Variants in XIRP2 observed in about 807,000 individuals in gnomAD.
The protein encoded by XIRP2 is xin actin binding repeat containing 2.
Under a neutral mutation model 277.0 loss-of-function variants are expected in XIRP2, and 236 were observed. That is an observed-to-expected ratio of 0.85 (90% confidence interval 0.77 to 0.95). The LOEUF is 0.95. XIRP2 is among the 40% of genes least tolerant of loss of function. The pLI is 0.00. For missense variants in XIRP2, 4,640 were observed against 4,157.5 expected, an observed-to-expected ratio of 1.12 and a Z score of -3.19; for synonymous variants, 1,490 against 1,416.5, an observed-to-expected ratio of 1.05 and a Z score of -1.17.
chr2:167,218,162 C>G lies in XIRP2; in HGVS notation c.724-4C>G, dbSNP rs1451078881. 6.3e-7 allele frequency: 1 copy of G among 1,577,696 alleles called. No homozygotes were observed. The highest frequency in any genetic ancestry group is 8.6e-7 in the Non-Finnish European group (1 of 1,163,214). ...GAATTTTCCTTTTTCTTAAATCATC[C>G]TAGATGATGGAAGAATCAGAAATGT... On this transcript the variant is annotated splice_polypyrimidine_tract_variant and splice_region_variant and intron_variant, in intron 4 of 10. Transcript: ENST00000409195.
At chr2:167,199,411 G>C (rs1003740089) in intron 3 of XIRP2, among the ~76,000 whole-genome samples, 3 of 152,064 alleles carry the variant, frequency 2.0e-5, no homozygotes, top group African/African-American at 7.2e-5. Flanking sequence ...TTGCTCTGTT[G>C]AATGCCAACA....
At chr2:167,089,675 T>G (rs1362480043) in intron 2 of XIRP2, among the ~76,000 whole-genome samples, 2 of 152,124 alleles carry the variant, frequency 1.3e-5, no homozygotes. Flanking sequence ...AGTAAACATA[T>G]GTGTGCGTGT....
chr2:166,950,227 T>C (rs1383295039), intron 2 of XIRP2, among the ~76,000 whole-genome samples: 2 of 152,032 alleles, frequency 1.3e-5, no homozygotes, highest in Admixed American at 1.3e-4. Flanking sequence ...GCATGTAGTA[T>C]TTGTTTATGC....
At chr2:167,215,142 A>C (rs1694204961) in intron 4 of XIRP2, among the ~76,000 whole-genome samples, 1 of 152,208 alleles carries the variant, frequency 6.6e-6, no homozygotes, top group African/African-American at 2.4e-5. Flanking sequence ...ATTAAATGGC[A>C]GAAGGGGTAA....
At chr2:167,164,215 T>G (rs1040286784) in intron 3 of XIRP2, among the ~76,000 whole-genome samples, 6 of 151,240 alleles carry the variant, frequency 4.0e-5, no homozygotes, top group African/African-American at 1.5e-4. Flanking sequence ...CCGAGGCAGG[T>G]GGATCACAAG....
intron 2 of XIRP2, among the ~76,000 whole-genome samples, chr2:166,988,126 A>G (rs1687058496): frequency 6.6e-6 from 1 of 152,152 alleles, no homozygotes; most frequent in Admixed American, 6.5e-5. Context: ...AGAAAACCCA[A>G]CTTTGCATGA....
intron 2 of XIRP2, among the ~76,000 whole-genome samples, chr2:166,910,944 G>A (rs1684683566): frequency 6.6e-6 from 1 of 152,172 alleles, no homozygotes; most frequent in African/African-American, 2.4e-5. Flanking sequence ...TCTTAATCCT[G>A]AGCTCTAGTT....
At chr2:167,103,427 C>T (rs545452120) in intron 2 of XIRP2, among the ~76,000 whole-genome samples, 4 of 152,238 alleles carry the variant, frequency 2.6e-5, no homozygotes, top group South Asian at 4.1e-4. Context: ...TGTTGCTGCT[C>T]TTTGGCTTTG....
chr2:167,041,358 A>C (rs941404280), intron 2 of XIRP2, among the ~76,000 whole-genome samples: 6 of 152,196 alleles, frequency 3.9e-5, no homozygotes, highest in African/African-American at 1.4e-4. Context: ...AGAATCCAGA[A>C]TCTGGATGAC....
At chr2:167,175,253 G>T (rs139154131) in intron 3 of XIRP2, among the ~76,000 whole-genome samples, 65 of 152,288 alleles carry the variant, frequency 4.3e-4, no homozygotes, top group Non-Finnish European at 3.8e-4. Flanking sequence ...GGGTGCTCCT[G>T]TATTGGGTGC....
chr2:167,036,494 T>C (rs985166390), intron 2 of XIRP2, among the ~76,000 whole-genome samples: 2 of 152,124 alleles, frequency 1.3e-5, no homozygotes, highest in African/African-American at 4.8e-5. Context: ...ATTTATCCCA[T>C]TTGGAATGGC....
chr2:167,210,504 G>A (rs1693992758), intron 3 of XIRP2, among the ~76,000 whole-genome samples: 1 of 152,160 alleles, frequency 6.6e-6, no homozygotes, highest in Non-Finnish European at 1.5e-5. Context: ...AATTGCAAGA[G>A]TTGGGGGGAT....
chr2:167,111,545 G>A (rs1314162013), intron 2 of XIRP2, among the ~76,000 whole-genome samples: 2 of 152,100 alleles, frequency 1.3e-5, no homozygotes, highest in Non-Finnish European at 2.9e-5. Context: ...TGTTGGATTA[G>A]CTTTTTAATA....
At chr2:166,891,201 ATAAGC>A (rs1394368156) in intron 1 of XIRP2, among the ~76,000 whole-genome samples, 1 of 152,220 alleles carries the variant, frequency 6.6e-6, no homozygotes, top group Admixed American at 6.5e-5. Flanking sequence ...TGGCGGTAAG[ATAAGC>A]TTATTGCAAA....
intron 3 of XIRP2, among the ~76,000 whole-genome samples, chr2:167,137,109 A>G (rs1201438400): frequency 2.2e-4 from 34 of 152,178 alleles, no homozygotes; most frequent in Non-Finnish European, 8.8e-5. Flanking sequence ...GACAGAACAG[A>G]CTGGTCTTCA....
In XIRP2 at chr2:167,027,344, T is replaced by G. The variant is rs146630075; in HGVS notation, c.409-108565T>G. On this transcript the variant is annotated intron_variant, in intron 2 of 10. Coordinates refer to ENST00000409195, the MANE Select transcript of XIRP2 (RefSeq NM_152381.6). ...TTCACGTAGATCTCAAGCCTTGGCTTTCAGCTCCATCATCTCCTTTAAGGA... is the reference window on the plus strand; with the variant it reads ...TTCACGTAGATCTCAAGCCTTGGCTGTCAGCTCCATCATCTCCTTTAAGGA... Among the ~76,000 whole-genome samples the G allele has an allele frequency of 5.8e-3, 877 of 152,258 alleles. 3 individuals carry two copies. The highest frequency in any genetic ancestry group is 0.02 in the African/African-American group (816 of 41,566).
chr2:167,201,258 GAAA>G (rs1693702629), intron 3 of XIRP2, among the ~76,000 whole-genome samples: 1 of 86,790 alleles, frequency 1.2e-5, no homozygotes, highest in Non-Finnish European at 2.0e-5. Flanking sequence ...AAGAAAGAAA[GAAA>G]GAGAGAGGGA....
Position 167,247,009 on chromosome 2 carries a change from A to C in XIRP2, c.5617A>C (p.Lys1873Gln). 1 of 1,613,708 alleles carries C rather than the reference A, an allele frequency of 6.2e-7. No homozygotes were observed. The highest frequency in any genetic ancestry group is 8.5e-7 in the Non-Finnish European group (1 of 1,179,756). ...IIKGNMLATL[K>Q]SLKESSHRWK... ...AAAAGGTAACATGCTAGCCACACTC[A>C]AGTCACTTAAAGAATCAAGCCATCG... Residue 1873 changes from lysine to glutamine, a missense_variant, in exon 9 of 11, where the codon AAG becomes CAG. Physicochemically the swap from Lys to Gln is moderately conservative, Grantham distance 53. Coordinates refer to ENST00000409195, the MANE Select transcript of XIRP2 (RefSeq NM_152381.6).
At chr2:167,079,705 G>T (rs1689677415) in intron 2 of XIRP2, among the ~76,000 whole-genome samples, 1 of 151,608 alleles carries the variant, frequency 6.6e-6, no homozygotes. Flanking sequence ...GTCTCTGATT[G>T]TACGTCTTTG....
Sources: allele counts gnomAD v4.1 joint callset (sites outside exome capture counted in the v4.1 genomes callset), GRCh38; gene constraint gnomAD v4.1.1; transcripts MANE v1.5; gene names NCBI Gene and HGNC (gene_info 2026-07-23, HGNC 2026-07-21).